Variants in SBF2 observed in about 807,000 individuals in gnomAD.
The protein encoded by SBF2 is myotubularin-related protein 13.
In SBF2, 112 loss-of-function variants were observed where a neutral mutation model predicts 225.2. That is an observed-to-expected ratio of 0.50 (90% CI 0.43 to 0.58). The LOEUF (loss-of-function observed/expected upper bound fraction) is 0.58, where lower values mean the gene tolerates loss of function less well. SBF2 is among the 20% of genes least tolerant of loss of function. The probability of loss-of-function intolerance (pLI) is 0.00; values close to 1 mark genes in which losing one functional copy is unlikely to be tolerated. For synonymous variants in SBF2, 763 were observed against 773.3 expected, an observed-to-expected ratio of 0.99 and a Z score of 0.22; for missense variants, 1,996 against 2,206.2, an observed-to-expected ratio of 0.90 and a Z score of 1.91.
chr11:9,991,258 C>T (rs1259459335), intron 12 of SBF2, among the ~76,000 whole-genome samples: 2 of 152,172 alleles, frequency 1.3e-5, no homozygotes, highest in East Asian at 3.8e-4. Context: ...CAGGATGTTT[C>T]CTAAATCTTC....
chr11:9,974,981 A>AAAAAAAAAAAAG (rs1946618807), intron 13 of SBF2, among the ~76,000 whole-genome samples: 1 of 74,928 alleles, frequency 1.3e-5, no homozygotes, highest in Non-Finnish European at 3.3e-5. Context: ...AAAAAAAAAA[A>AAAAAAAAAAAAG]AAAAAAAGAA....
chr11:9,835,874 A>G (rs1855707558), intron 26 of SBF2, among the ~76,000 whole-genome samples: 2 of 151,636 alleles, frequency 1.3e-5, no homozygotes, highest in Admixed American at 6.6e-5. Context: ...GTTGATTTTG[A>G]GTAGTTTCTA....
At chr11:9,931,615 C>T (rs1391470618) in intron 16 of SBF2, among the ~76,000 whole-genome samples, 1 of 152,176 alleles carries the variant, frequency 6.6e-6, no homozygotes, top group Non-Finnish European at 1.5e-5. Flanking sequence ...CACCAAAACC[C>T]CATCTGTAGT....
chr11:10,274,394 GTT>G (rs1962787433), intron 1 of SBF2, among the ~76,000 whole-genome samples: 1 of 149,082 alleles, frequency 6.7e-6, no homozygotes, highest in Non-Finnish European at 1.5e-5. Flanking sequence ...AAATTACAGG[GTT>G]TTGTTTTATT....
chr11:9,812,464 AG>A, intron 30 of SBF2, 67 bp downstream of exon 30: 3 of 1,528,142 alleles, frequency 2.0e-6, no homozygotes, highest in Non-Finnish European at 2.7e-6. Context: ...TCTCAAATAC[AG>A]TTCTGTATAT....
chr11:9,839,480 G>A lies in SBF2; in HGVS notation c.3455+18C>T. On this transcript the variant is annotated intron_variant, in intron 26 of 39. Coordinates refer to ENST00000256190, the MANE Select transcript of SBF2 (RefSeq NM_030962.4). Reference sequence around the variant, plus strand: ...AAAGGAAGGAAGACCTCTTTTTGGAGCCCACTGACACACTTACCTCCGGCA... The same window carrying A: ...AAAGGAAGGAAGACCTCTTTTTGGAACCCACTGACACACTTACCTCCGGCA... 6.2e-7 allele frequency: 1 copy of A among 1,611,114 alleles called. No individual in the cohort carries two copies. Among genetic ancestry groups the A allele is most frequent in the Non-Finnish European group, 8.5e-7 (1 of 1,177,338 alleles).
At chr11:10,110,026 T>C (rs988011297) in intron 2 of SBF2, among the ~76,000 whole-genome samples, 6 of 152,234 alleles carry the variant, frequency 3.9e-5, no homozygotes, top group East Asian at 3.8e-4. Flanking sequence ...AGCTCTAATC[T>C]TGACACTGAA....
intron 2 of SBF2, among the ~76,000 whole-genome samples, chr11:10,127,154 CTGAA>C (rs1406255387): frequency 6.6e-6 from 1 of 152,048 alleles, no homozygotes. Context: ...CTTAATGCCT[CTGAA>C]TGGTACACTT....
chr11:10,292,070 T>C (rs570030477), intron 1 of SBF2, among the ~76,000 whole-genome samples: 1 of 152,306 alleles, frequency 6.6e-6, no homozygotes, highest in Non-Finnish European at 1.5e-5. Context: ...TGTTCCAGAT[T>C]GAGGGAGACA....
chr11:10,225,505 C>T (rs945486378), intron 1 of SBF2, among the ~76,000 whole-genome samples: 2 of 151,714 alleles, frequency 1.3e-5, no homozygotes, highest in East Asian at 3.9e-4. Flanking sequence ...AAAGACTAGT[C>T]ATAGAGGTTG....
At chr11:10,126,064 T>G (rs1047340274) in intron 2 of SBF2, among the ~76,000 whole-genome samples, 44 of 152,202 alleles carry the variant, frequency 2.9e-4, no homozygotes, top group African/African-American at 1.1e-3. Flanking sequence ...ACAGTCCTTT[T>G]CACTTCATCC....
At chr11:9,902,520 C>T (rs1861799449) in intron 16 of SBF2, among the ~76,000 whole-genome samples, 2 of 152,096 alleles carry the variant, frequency 1.3e-5, no homozygotes, top group Admixed American at 1.3e-4. Flanking sequence ...AACTGCAACC[C>T]AACTACCGGG....
intron 2 of SBF2, among the ~76,000 whole-genome samples, chr11:10,113,739 A>G (rs1952990845): frequency 6.6e-6 from 1 of 152,042 alleles, no homozygotes; most frequent in South Asian, 2.1e-4. Flanking sequence ...TACTAATAGA[A>G]GTTTTGGGAA....
chr11:9,944,644 C>T (rs1865462179), intron 16 of SBF2, among the ~76,000 whole-genome samples: 1 of 152,050 alleles, frequency 6.6e-6, no homozygotes, highest in Admixed American at 6.6e-5. Context: ...AAATACTGCT[C>T]AAAGAAATCA....
chr11:9,826,495 A>G (rs578169349), intron 28 of SBF2, among the ~76,000 whole-genome samples: 7 of 152,216 alleles, frequency 4.6e-5, no homozygotes, highest in South Asian at 2.1e-4. Flanking sequence ...CAAGCCTGAC[A>G]AGAGTTTTTC....
intron 2 of SBF2, chr11:10,149,477 T>TG (rs1955062388): frequency 6.6e-6 from 1 of 152,210 alleles, no homozygotes; most frequent in Non-Finnish European, 1.5e-5. Flanking sequence ...GGTAATGCAA[T>TG]TACAATGAAC....
At chr11:10,078,223 A>T (rs1951204125) in intron 2 of SBF2, among the ~76,000 whole-genome samples, 1 of 152,120 alleles carries the variant, frequency 6.6e-6, no homozygotes, top group Admixed American at 6.5e-5. Flanking sequence ...CAGTGTGGTG[A>T]CTCCTCAAGG....
In SBF2 at chr11:9,858,377, C is replaced by G; in HGVS notation, c.1949G>C (p.Ser650Thr). ...TTGTACACACGTGTAAGCAAACTGG[C>G]TGACTCCAGGGGCAAGTTTCTGTGA... ...AFYRKLAPGVSQFAYTCVQDH... is the reference protein window; with the variant it reads ...AFYRKLAPGVTQFAYTCVQDH... The change falls in exon 18 of 40, where the codon AGC (serine) becomes ACC (threonine). Residue 650 changes from serine (S) to threonine (T), a missense_variant. By Grantham distance (58) the Ser-to-Thr change is moderately conservative (BLOSUM62 1). Transcript: ENST00000256190. 1 of 1,614,144 alleles carries G rather than the reference C, an allele frequency of 6.2e-7. No individual in the cohort carries two copies. Among genetic ancestry groups the G allele is most frequent in the African/African-American group, 1.3e-5 (1 of 75,040 alleles).
intron 6 of SBF2, among the ~76,000 whole-genome samples, chr11:10,024,315 T>A (rs1038593538): frequency 6.9e-6 from 1 of 144,420 alleles, no homozygotes; most frequent in African/African-American, 2.5e-5. Flanking sequence ...TATACAAATA[T>A]TTTTATGAAC....
Sources: gnomAD v4.1 joint callset for allele counts (sites outside exome capture counted in the v4.1 genomes callset) on GRCh38, gnomAD v4.1.1 for gene constraint, MANE v1.5 for transcripts, NCBI Gene and HGNC (gene_info 2026-07-23, HGNC 2026-07-21) for gene names.